The following OCA2 variants were observed in gnomAD, a reference collection of about 807,000 sequenced individuals.
OCA2 encodes P protein.
In OCA2, 77 loss-of-function variants were observed where a neutral mutation model predicts 100.2. That is an observed-to-expected ratio of 0.77 (90% CI 0.64 to 0.93). OCA2 has a LOEUF of 0.93. OCA2 is among the 40% of genes least tolerant of loss of function. The pLI, the probability that OCA2 is intolerant of heterozygous loss-of-function variation, is 0.00. For synonymous variants in OCA2, 432 were observed against 439.2 expected (o/e 0.98, Z 0.21); for missense variants, 1,062 against 1,089.1 (o/e 0.98, Z 0.35).
At position 28,069,570 on chromosome 15, in the gene OCA2, G is replaced by A. The variant is rs1421252047; in HGVS notation, c.227+12078C>T. On this transcript the variant is annotated intron_variant, in intron 2 of 23. Transcript: ENST00000354638. ...TGCGATTGCAGGCACGCGCCGCCAC[G>A]CCTGACTGGTTTTGGTGGAGACGGG... Among the ~76,000 whole-genome samples, 8 of 141,102 alleles carry A rather than the reference G, an allele frequency of 5.7e-5. No individual in the cohort carries two copies. In the South Asian group the frequency reaches 7.1e-4, roughly 13 times the overall value. The allele number at this position is 141,102 out of a possible 152,430, so 92.6% of individuals were successfully genotyped here.
chr15:27,769,875 T>C (rs371626755), intron 23 of OCA2, among the ~76,000 whole-genome samples: 1 of 74,640 alleles, frequency 1.3e-5, no homozygotes, highest in Non-Finnish European at 2.9e-5. Flanking sequence ...TCGGCCTGTG[T>C]GCAGCGCCTC....
At chr15:28,092,231 G>A (rs1351692089) in intron 1 of OCA2, among the ~76,000 whole-genome samples, 1 of 152,150 alleles carries the variant, frequency 6.6e-6, no homozygotes, top group East Asian at 1.9e-4. Flanking sequence ...GGAGGGGATA[G>A]GGTTGGAGGG....
chr15:27,941,649 G>C (rs2039651916), intron 18 of OCA2, among the ~76,000 whole-genome samples: 1 of 152,184 alleles, frequency 6.6e-6, no homozygotes, highest in Admixed American at 6.5e-5. Context: ...TGCTTCACTA[G>C]GCTCCTGGCA....
chr15:27,836,191 T>G (rs1383024437), intron 23 of OCA2, among the ~76,000 whole-genome samples: 3 of 152,166 alleles, frequency 2.0e-5, no homozygotes, highest in Non-Finnish European at 4.4e-5. Flanking sequence ...ATCCTAAGGC[T>G]GAAGATTTTA....
intron 19 of OCA2, among the ~76,000 whole-genome samples, chr15:27,924,317 A>G (rs780416376): frequency 1.7e-4 from 26 of 152,206 alleles, no homozygotes; most frequent in Non-Finnish European, 2.5e-4. Context: ...AAAAATTCCC[A>G]TACATTTATT....
At chr15:27,897,442 G>C (rs568635196) in intron 19 of OCA2, among the ~76,000 whole-genome samples, 18 of 152,300 alleles carry the variant, frequency 1.2e-4, no homozygotes, top group African/African-American at 4.1e-4. Flanking sequence ...TGGCTAAAAG[G>C]AGCCAAGGCA....
chr15:27,874,225 C>A, intron 19 of OCA2, among the ~76,000 whole-genome samples: 1 of 152,154 alleles, frequency 6.6e-6, no homozygotes, highest in East Asian at 1.9e-4. Flanking sequence ...AGGAATCTCT[C>A]TCCCCACGAA....
the OCA2 span, among the ~76,000 whole-genome samples, chr15:27,724,860 G>A: frequency 1.3e-5 from 2 of 151,832 alleles, no homozygotes; most frequent in Non-Finnish European, 2.9e-5. Flanking sequence ...CTGCCGCTTG[G>A]ATAAAGTCAA....
chr15:28,065,635 C>G (rs2044001280), intron 2 of OCA2, among the ~76,000 whole-genome samples: 1 of 152,106 alleles, frequency 6.6e-6, no homozygotes, highest in Non-Finnish European at 1.5e-5. Context: ...GAACTGCTCA[C>G]TTTGCCATTT....
chr15:28,018,084 A>G (rs976186919), intron 7 of OCA2, among the ~76,000 whole-genome samples: 1 of 151,362 alleles, frequency 6.6e-6, no homozygotes, highest in Non-Finnish European at 1.5e-5. Flanking sequence ...ACTTAACTGC[A>G]CTTCAACGAC....
intron 2 of OCA2, among the ~76,000 whole-genome samples, chr15:28,065,058 C>A (rs2043984441): frequency 6.6e-6 from 1 of 151,940 alleles, no homozygotes; most frequent in Non-Finnish European, 1.5e-5. Flanking sequence ...TTCTTCAATA[C>A]CAGGAGATTT....
At chr15:27,828,399 C>T (rs1054579018) in intron 23 of OCA2, among the ~76,000 whole-genome samples, 16 of 152,184 alleles carry the variant, frequency 1.1e-4, no homozygotes, top group Non-Finnish European at 5.9e-5. Flanking sequence ...GCAGGGGCTC[C>T]TCATGGGTCC....
the OCA2 span, among the ~76,000 whole-genome samples, chr15:27,733,429 G>T: frequency 1.3e-5 from 2 of 152,114 alleles, no homozygotes; most frequent in Non-Finnish European, 2.9e-5. Flanking sequence ...CAGTCTGTCA[G>T]CCACCCACGG....
chr15:27,743,438 G>A, the OCA2 span, among the ~76,000 whole-genome samples: 14 of 152,140 alleles, frequency 9.2e-5, no homozygotes, highest in Non-Finnish European at 1.3e-4. Flanking sequence ...AGGGTCCCTC[G>A]TCTGGGCTTA....
At chr15:27,960,502 A>G (rs2040371129) in intron 15 of OCA2, among the ~76,000 whole-genome samples, 1 of 152,108 alleles carries the variant, frequency 6.6e-6, no homozygotes, top group South Asian at 2.1e-4. Flanking sequence ...ACCCTCTCAC[A>G]TTTCTTAATT....
At chr15:27,873,938 C>G (rs553619615) in intron 19 of OCA2, among the ~76,000 whole-genome samples, 6 of 152,276 alleles carry the variant, frequency 3.9e-5, no homozygotes, top group Admixed American at 1.3e-4. Context: ...ATACATATTA[C>G]TTGTCTCCTT....
At chr15:27,772,609 G>T (rs1018609334) in intron 23 of OCA2, among the ~76,000 whole-genome samples, 1 of 152,006 alleles carries the variant, frequency 6.6e-6, no homozygotes, top group African/African-American at 2.4e-5. Context: ...TTGGGAGGCC[G>T]AGGTGGGTAG....
intron 23 of OCA2, among the ~76,000 whole-genome samples, chr15:27,810,764 C>T (rs540925956): frequency 3.8e-4 from 58 of 152,072 alleles, no homozygotes; most frequent in African/African-American, 1.3e-3. Flanking sequence ...AACAAACATA[C>T]GAAAAAATGC....
chr15:27,808,658 G>A (rs1382717615), intron 23 of OCA2, among the ~76,000 whole-genome samples: 1 of 152,162 alleles, frequency 6.6e-6, no homozygotes, highest in Non-Finnish European at 1.5e-5. Flanking sequence ...GAAAAGGGGA[G>A]GGCAGGCTAT....
Sources: allele counts gnomAD v4.1 joint callset (sites outside exome capture counted in the v4.1 genomes callset), GRCh38; gene constraint gnomAD v4.1.1; transcripts MANE v1.5; gene names NCBI Gene and HGNC (gene_info 2026-07-23, HGNC 2026-07-21).